The following PLAGL1 variants were observed in gnomAD, a reference collection of about 807,000 sequenced individuals.
PLAGL1 encodes the protein PLAG1 like zinc finger 1.
A neutral mutation model predicts 4.6 loss-of-function variants in PLAGL1; 1 was observed. The ratio of observed to expected loss-of-function variants is 0.22; its 90% CI spans 0.08 to 1.03. The LOEUF is 1.03. Ranked by LOEUF, PLAGL1 falls within the 50% of genes least tolerant of loss-of-function variation. The pLI is 0.58. For synonymous variants in PLAGL1, 240 were observed against 237.8 expected (o/e 1.01, Z -0.08); for missense variants, 464 against 570.4 (o/e 0.81, Z 1.90).
intron 1 of PLAGL1, chr6:144,007,747 T>C (rs1262043952): frequency 6.6e-6 from 1 of 152,278 alleles, no homozygotes. Flanking sequence ...ACAGACTTTT[T>C]CTTCTTTTCC....
At chr6:144,045,794 G>A (rs1562607108) in intron 1 of PLAGL1, among the ~76,000 whole-genome samples, 1 of 152,146 alleles carries the variant, frequency 6.6e-6, no homozygotes, top group Admixed American at 6.6e-5. Flanking sequence ...TTCCAGCTTG[G>A]TTCCATTCTC....
intron 1 of PLAGL1, among the ~76,000 whole-genome samples, chr6:144,019,473 GA>G (rs201213789): frequency 2.0e-5 from 3 of 149,658 alleles, no homozygotes; most frequent in Admixed American, 6.6e-5. Context: ...CTCTCTTGAG[GA>G]AAAAAAAATG....
Position 143,951,282 on chromosome 6 carries a change from T to C in PLAGL1, c.-324-2822A>G, listed in dbSNP as rs150082643. 1.9e-4 allele frequency among the ~76,000 whole-genome samples: 29 copies of C among 152,314 alleles called. No homozygotes were observed. In the East Asian group the frequency reaches 2.7e-3, roughly 14 times the overall value. On this transcript the variant is annotated intron_variant, in intron 6 of 7. Coordinates refer to ENST00000674357, the MANE Select transcript of PLAGL1 (RefSeq NM_001317162.2). The stretch of plus-strand genomic sequence containing the variant: ...TGAAACACTGGAATTAAAAGTACTA[T>C]AGAACCATGTGTCAATGTACAGCTC...
Position 143,979,505 on chromosome 6 carries a change from C to T in PLAGL1, c.-544+5630G>A, listed in dbSNP as rs542847841. The stretch of plus-strand genomic sequence containing the variant: ...GCTTATAACTATGTTTTGATATCTT[C>T]GTGGTTGCTGTAGAGTTTATAGTTA... On this transcript the variant is annotated intron_variant, in intron 2 of 7. Transcript: ENST00000674357. This position sits in a 1 kb window ranked among gnomAD's most constrained non-coding sequence, Gnocchi z 4.6. 7.9e-5 allele frequency among the ~76,000 whole-genome samples: 12 copies of T among 151,952 alleles called. No homozygotes were observed. In the East Asian group the frequency reaches 1.4e-3, roughly 17 times the overall value.
intron 1 of PLAGL1, among the ~76,000 whole-genome samples, chr6:144,049,182 C>A (rs529127489): frequency 1.3e-5 from 2 of 152,344 alleles, no homozygotes; most frequent in African/African-American, 4.8e-5. Flanking sequence ...CCACCTCAGC[C>A]TGTACTTCAT....
intron 7 of PLAGL1, among the ~76,000 whole-genome samples, chr6:143,944,972 T>C (rs960467286): frequency 1.3e-5 from 2 of 152,132 alleles, no homozygotes; most frequent in African/African-American, 4.8e-5. Context: ...TTTCCTGTCC[T>C]ACACCTGTAC....
chr6:144,041,849 T>C (rs1035999555), intron 1 of PLAGL1, among the ~76,000 whole-genome samples: 7 of 152,200 alleles, frequency 4.6e-5, no homozygotes, highest in Admixed American at 2.6e-4. Flanking sequence ...CAGCACCTGT[T>C]CCTGACTTTT....
intron 7 of PLAGL1, among the ~76,000 whole-genome samples, chr6:143,943,050 T>TTTTTTTTTTTTC (rs1562373964): frequency 6.8e-6 from 1 of 147,330 alleles, no homozygotes; most frequent in Non-Finnish European, 1.5e-5. Flanking sequence ...TTTTTTTTTT[T>TTTTTTTTTTTTC]GAGACAAGGT....
In PLAGL1 at chr6:144,059,666, C is replaced by T. The variant is rs1270879091; in HGVS notation, c.-151+4802G>A. Reference sequence around the variant, plus strand: ...AACTATTCAGCAAATAGCTACCACCCATCATAGCCACTCACTAAATCTATC... The same window carrying T: ...AACTATTCAGCAAATAGCTACCACCTATCATAGCCACTCACTAAATCTATC... On this transcript the variant is annotated intron_variant, in intron 1 of 3. Transcript: ENST00000437412. This position sits in a 1 kb window ranked among gnomAD's most constrained non-coding sequence, Gnocchi z 4.9. Among the ~76,000 whole-genome samples, 2 of 152,192 alleles carry T rather than the reference C, an allele frequency of 1.3e-5. No individual in the cohort carries two copies. Among genetic ancestry groups the T allele is most frequent in the Non-Finnish European group, 2.9e-5 (2 of 68,034 alleles).
intron 7 of PLAGL1, among the ~76,000 whole-genome samples, chr6:143,944,561 G>A (rs1779338111): frequency 6.6e-6 from 1 of 152,180 alleles, no homozygotes; most frequent in South Asian, 2.1e-4. Context: ...CCGTAAGGCA[G>A]GGACAGGAAC....
rs1180600930 is a variant in PLAGL1, at chr6:143,973,782, A to G, written c.-543-4804T>C. Among the ~76,000 whole-genome samples the G allele has an allele frequency of 2.0e-5, 3 of 152,238 alleles. No homozygotes were observed. Among genetic ancestry groups the G allele is most frequent in the Non-Finnish European group, 4.4e-5 (3 of 68,044 alleles). ...CCAATAAGCTACTACAACGTGATGA[A>G]TTCAGAGCTGCAGTTTCTAGGGTTA... On this transcript the variant is annotated intron_variant, in intron 2 of 7. Transcript: ENST00000674357. The surrounding 1 kb of genome is among the most constrained non-coding windows in gnomAD (Gnocchi z 6.2).
At chr6:143,986,750 T>A (rs1045066851) in intron 1 of PLAGL1, among the ~76,000 whole-genome samples, 1 of 152,216 alleles carries the variant, frequency 6.6e-6, no homozygotes, top group Non-Finnish European at 1.5e-5. Flanking sequence ...TATGCATAGC[T>A]GTGACAGTTT....
rs1799558855 is a variant in PLAGL1 at position 144,063,179 on chromosome 6, T to C, written c.-151+1289A>G. On this transcript the variant is annotated intron_variant, in intron 1 of 3. Coordinates refer to the PLAGL1 transcript ENST00000437412. The surrounding 1 kb of genome is among the most constrained non-coding windows in gnomAD (Gnocchi z 5.7). ...CAGAACCAAAGAATGAATTTATTTG[T>C]TGCAACCTGCACCGGAACTTTGTAG... 6.6e-6 allele frequency among the ~76,000 whole-genome samples: 1 copy of C among 152,204 alleles called. No homozygotes were observed. The highest frequency in any genetic ancestry group is 1.5e-5 in the Non-Finnish European group (1 of 68,034).
In PLAGL1 at chr6:143,973,365, G is replaced by C. The variant is rs77006392; in HGVS notation, c.-543-4387C>G. Among the ~76,000 whole-genome samples, 2 of 152,134 alleles carry C rather than the reference G, an allele frequency of 1.3e-5. No individual in the cohort carries two copies. Among genetic ancestry groups the C allele is most frequent in the East Asian group, 3.9e-4 (2 of 5,188 alleles). On this transcript the variant is annotated intron_variant, in intron 2 of 7. Coordinates refer to ENST00000674357, the MANE Select transcript of PLAGL1 (RefSeq NM_001317162.2). This position sits in a 1 kb window ranked among gnomAD's most constrained non-coding sequence, Gnocchi z 6.2. ...CTCATGGTTTAATTCAAATTCATCC[G>C]TTTCCTACATTCCAGTGACAGTTCA... is the stretch of plus-strand genomic sequence containing the variant.
intron 1 of PLAGL1, among the ~76,000 whole-genome samples, chr6:144,043,455 C>G (rs941024506): frequency 3.9e-5 from 6 of 152,190 alleles, no homozygotes; most frequent in African/African-American, 1.4e-4. Context: ...GTCTTTGGTT[C>G]TGTTTATGTG....
At chr6:144,033,007 A>G (rs17532677) in intron 1 of PLAGL1, among the ~76,000 whole-genome samples, 1 of 152,246 alleles carries the variant, frequency 6.6e-6, no homozygotes, top group Non-Finnish European at 1.5e-5. Flanking sequence ...ACCACATGCT[A>G]TTATGGACAC....
chr6:143,996,327 A>T (rs1791603381), intron 1 of PLAGL1, among the ~76,000 whole-genome samples: 1 of 152,244 alleles, frequency 6.6e-6, no homozygotes, highest in African/African-American at 2.4e-5. Flanking sequence ...TTCAATGAGA[A>T]GTAGATGAAA....
Position 143,962,274 on chromosome 6 carries a change from T to C in PLAGL1, c.-398-1732A>G, listed in dbSNP as rs1783542234. ...CATCTCAGTTTGACAGGATGCTACT[T>C]GCAGATTGCTTTTCAGGTCAGAATT... On this transcript the variant is annotated intron_variant, in intron 5 of 7. Coordinates refer to ENST00000674357, the MANE Select transcript of PLAGL1 (RefSeq NM_001317162.2). This position sits in a 1 kb window ranked among gnomAD's most constrained non-coding sequence, Gnocchi z 5.3. Among the ~76,000 whole-genome samples, 1 of 152,242 alleles carries C rather than the reference T, an allele frequency of 6.6e-6. No homozygotes were observed.
In PLAGL1 at chr6:143,941,401, G is replaced by A. The variant is rs560190372; in HGVS notation, c.*23C>T. On this transcript the variant is annotated 3_prime_UTR_variant, in exon 8 of 8. Coordinates refer to ENST00000674357, the MANE Select transcript of PLAGL1 (RefSeq NM_001317162.2). The surrounding 1 kb of genome is among the most constrained non-coding windows in gnomAD (Gnocchi z 6.0). ...CTTCTTAAAACATCTTCCAGAATAC[G>A]AAAAATACACTTTAAAAATCAATTA... 1.2e-5 allele frequency: 18 copies of A among 1,481,200 alleles called. No individual in the cohort carries two copies. The Admixed American group carries it at 2.4e-4, about 20-fold the overall frequency. 91.8% of individuals were successfully genotyped at this position (1,481,200 alleles called of 1,614,324 possible). A position where few individuals can be genotyped will look rare whatever the true frequency, so the allele number is the denominator to read the frequency against.
Sources: allele counts gnomAD v4.1 joint callset (sites outside exome capture counted in the v4.1 genomes callset), GRCh38; gene constraint gnomAD v4.1.1; non-coding constraint Gnocchi (gnomAD v3.1); transcripts MANE v1.5; gene names NCBI Gene and HGNC (gene_info 2026-07-23, HGNC 2026-07-21).